The following COL11A1 variants were observed in gnomAD, a reference collection of about 807,000 sequenced individuals.
COL11A1 encodes the protein collagen type XI alpha 1 chain.
COL11A1 carries 74 observed loss-of-function variants against 265.2 expected under a neutral mutation model. The ratio of observed to expected loss-of-function variants is 0.28; its 90% confidence interval spans 0.23 to 0.34. The LOEUF (loss-of-function observed/expected upper bound fraction) is 0.34. COL11A1 is among the 10% of genes least tolerant of loss of function. The probability of loss-of-function intolerance (pLI) is 1.00; values close to 1 mark genes in which losing one functional copy is unlikely to be tolerated. For missense variants in COL11A1, 2,165 were observed against 2,263.6 expected (o/e 0.96, Z 0.88); for synonymous variants, 816 against 727.6 (o/e 1.12, Z -1.96).
At chr1:102,890,526 A>ATC (rs1651627408) in intron 57 of COL11A1, 22 bp from the exon 58 acceptor site, 2 of 1,531,664 alleles carry the variant, frequency 1.3e-6, no homozygotes, top group African/African-American at 2.9e-5. Flanking sequence ...CAAAAAAAAA[A>ATC]CCCCAAAACA....
intron 28 of COL11A1, among the ~76,000 whole-genome samples, chr1:102,992,926 T>G (rs1220303843): frequency 6.6e-6 from 1 of 152,140 alleles, no homozygotes; most frequent in African/African-American, 2.4e-5. Flanking sequence ...CTAAAAACAA[T>G]GAGCAATTGT....
At chr1:103,012,311 A>T (rs1015156594) in intron 14 of COL11A1, 102 bp downstream of exon 14, 2 of 841,430 alleles carry the variant, frequency 2.4e-6, no homozygotes, top group African/African-American at 1.7e-5. Flanking sequence ...AACATACCCT[A>T]TTGTCACCAA....
intron 65 of COL11A1, 103 bp from the exon 66 acceptor site, chr1:102,880,019 T>C: frequency 3.7e-6 from 3 of 805,246 alleles, no homozygotes; most frequent in Non-Finnish European, 4.2e-6. Flanking sequence ...CAGAAGCATG[T>C]AGATGAATCA....
At chr1:102,968,980 C>A (rs115518677) in intron 37 of COL11A1, among the ~76,000 whole-genome samples, 2,440 of 152,252 alleles carry the variant, frequency 0.016, 75 homozygotes, top group African/African-American at 0.056. Context: ...TATACAATGA[C>A]TTCATTAAAA....
intron 46 of COL11A1, among the ~76,000 whole-genome samples, chr1:102,926,441 A>G (rs940582651): frequency 6.6e-6 from 1 of 152,186 alleles, no homozygotes; most frequent in African/African-American, 2.4e-5. Context: ...AAATCAAGAC[A>G]TGTAACCTGA....
At chr1:103,015,456 C>G (rs1666484313) in intron 12 of COL11A1, among the ~76,000 whole-genome samples, 1 of 151,960 alleles carries the variant, frequency 6.6e-6, no homozygotes. Context: ...AGAGTGTAAT[C>G]AAATAATGAA....
At position 103,092,030 on chromosome 1, in the gene COL11A1, A is replaced by T. The variant is rs1673365094; in HGVS notation, c.107-9058T>A. ...TCCAGTTTAAAACAAAATGAACTGC[A>T]TAGTGAAATTCATAATTAGAAAGGT... On this transcript the variant is annotated intron_variant, in intron 1 of 66. Coordinates refer to ENST00000370096, the MANE Select transcript of COL11A1 (RefSeq NM_001854.4). Among the ~76,000 whole-genome samples the T allele has an allele frequency of 2.0e-5, 3 of 152,148 alleles. No individual in the cohort carries two copies. The South Asian group carries it at 6.2e-4, about 31-fold the overall frequency.
At chr1:102,906,997 G>T (rs1167076107) in intron 54 of COL11A1, among the ~76,000 whole-genome samples, 3 of 151,932 alleles carry the variant, frequency 2.0e-5, no homozygotes, top group Non-Finnish European at 4.4e-5. Flanking sequence ...ACCTAATATA[G>T]AAAACAATTT....
intron 21 of COL11A1, 42 bp downstream of exon 21, chr1:103,003,173 A>G: frequency 6.2e-7 from 1 of 1,607,658 alleles, no homozygotes; most frequent in African/African-American, 1.3e-5. Flanking sequence ...GTTGGCAACA[A>G]GCTTTCCCTA....
chr1:102,998,170 A>G, intron 25 of COL11A1, 140 bp downstream of exon 25: 1 of 745,050 alleles, frequency 1.3e-6, no homozygotes, highest in East Asian at 2.8e-5. Flanking sequence ...GATGAAAGGT[A>G]TTTTAGAGAG....
At chr1:102,890,525 A>C (rs181904530) in intron 57 of COL11A1, 21 bp from the exon 58 acceptor site, 5 of 1,586,286 alleles carry the variant, frequency 3.2e-6, no homozygotes, top group South Asian at 1.2e-5. Flanking sequence ...ACAAAAAAAA[A>C]ACCCCAAAAC....
intron 20 of COL11A1, 103 bp downstream of exon 20, chr1:103,004,341 T>A: frequency 1.2e-6 from 1 of 851,442 alleles, no homozygotes. Context: ...TAGCTAAGAC[T>A]GCAATGTTTA....
intron 42 of COL11A1, among the ~76,000 whole-genome samples, chr1:102,943,452 T>TACACACAC (rs199996712): frequency 2.5e-5 from 2 of 79,374 alleles, no homozygotes; most frequent in African/African-American, 8.0e-5. Context: ...CACACACACA[T>TACACACAC]ACACACACAC....
chr1:103,062,306 A>G (rs1004724055), intron 4 of COL11A1, among the ~76,000 whole-genome samples: 1 of 151,986 alleles, frequency 6.6e-6, no homozygotes, highest in African/African-American at 2.4e-5. Context: ...TAGAAGCGAA[A>G]GGAATATTAC....
intron 38 of COL11A1, among the ~76,000 whole-genome samples, chr1:102,964,874 C>T (rs1661259441): frequency 6.6e-6 from 1 of 152,140 alleles, no homozygotes; most frequent in Non-Finnish European, 1.5e-5. Context: ...ATGAATTACT[C>T]TTTGTAGTTA....
intron 54 of COL11A1, among the ~76,000 whole-genome samples, chr1:102,909,283 A>C (rs1010716109): frequency 3.3e-5 from 5 of 151,588 alleles, no homozygotes; most frequent in Non-Finnish European, 5.9e-5. Context: ...CACTGCACAC[A>C]CCCCCTCTGC....
At chr1:102,927,999 C>G (rs1430536596) in intron 46 of COL11A1, among the ~76,000 whole-genome samples, 1 of 152,048 alleles carries the variant, frequency 6.6e-6, no homozygotes, top group African/African-American at 2.4e-5. Flanking sequence ...TCTCCAGATC[C>G]GCCCCTGTCT....
At chr1:102,897,599 T>C (rs1279831133) in intron 57 of COL11A1, among the ~76,000 whole-genome samples, 1 of 152,118 alleles carries the variant, frequency 6.6e-6, no homozygotes, top group Non-Finnish European at 1.5e-5. Context: ...AACAAAATAC[T>C]TTATTGCATT....
intron 46 of COL11A1, among the ~76,000 whole-genome samples, chr1:102,930,043 A>T (rs1241432400): frequency 1.3e-5 from 2 of 152,252 alleles, no homozygotes; most frequent in South Asian, 2.1e-4. Context: ...GCAAACAGGG[A>T]CAATTTGACT....
Sources: allele counts gnomAD v4.1 joint callset (sites outside exome capture counted in the v4.1 genomes callset), GRCh38; gene constraint gnomAD v4.1.1; transcripts MANE v1.5; gene names NCBI Gene and HGNC (gene_info 2026-07-23, HGNC 2026-07-21).